Variants in STK33 observed in about 807,000 individuals in gnomAD.
The protein encoded by STK33 is serine/threonine-protein kinase 33.
Under a neutral mutation model 58.0 loss-of-function variants are expected in STK33, and 52 were observed. That is an observed-to-expected ratio of 0.90 (90% CI 0.72 to 1.13). The LOEUF (loss-of-function observed/expected upper bound fraction) is 1.13. Ranked by LOEUF, STK33 falls within the 50% of genes most tolerant of loss-of-function variation. The probability of loss-of-function intolerance (pLI) is 0.00; values close to 1 mark genes in which losing one functional copy is unlikely to be tolerated. For missense variants in STK33, 630 were observed against 604.2 expected, an observed-to-expected ratio of 1.04 and a Z score of -0.45; for synonymous variants, 215 against 200.1, an observed-to-expected ratio of 1.07 and a Z score of -0.63.
the STK33 span, among the ~76,000 whole-genome samples, chr11:8,352,779 A>G: frequency 6.6e-6 from 1 of 152,236 alleles, no homozygotes; most frequent in Non-Finnish European, 1.5e-5. Flanking sequence ...AGGCGTAATG[A>G]GTTTTTAAAT....
Position 8,474,958 on chromosome 11 carries a change from A to G in STK33, c.-53T>C. On this transcript the variant is annotated 5_prime_UTR_variant, in exon 5 of 16. Coordinates refer to ENST00000687296, the MANE Select transcript of STK33 (RefSeq NM_001352389.2). ...TTAAAAATGTTTCCACTGTTTGAGGAAGAAAACCAGGCCAAAAAGGATAAG... is the reference window on the plus strand; with the variant it reads ...TTAAAAATGTTTCCACTGTTTGAGGGAGAAAACCAGGCCAAAAAGGATAAG... 6.6e-7 allele frequency: 1 copy of G among 1,507,692 alleles called. No individual in the cohort carries two copies. The highest frequency in any genetic ancestry group is 2.3e-5 in the East Asian group (1 of 43,700). The allele number at this position is 1,507,692 out of a possible 1,614,324, so 93.4% of individuals were successfully genotyped here.
At chr11:8,536,339 T>C (rs1248569755) in intron 1 of STK33, among the ~76,000 whole-genome samples, 1 of 152,170 alleles carries the variant, frequency 6.6e-6, no homozygotes, top group Non-Finnish European at 1.5e-5. Context: ...TAAAAGAACA[T>C]GAATTTCCAA....
At chr11:8,474,465 T>G (rs902049548) in intron 5 of STK33, among the ~76,000 whole-genome samples, 4 of 152,218 alleles carry the variant, frequency 2.6e-5, no homozygotes, top group African/African-American at 9.6e-5. Flanking sequence ...AATTACCTCA[T>G]GTCCTGAGAA....
the STK33 span, among the ~76,000 whole-genome samples, chr11:8,376,026 C>G: frequency 1.3e-5 from 2 of 152,302 alleles, no homozygotes; most frequent in Admixed American, 1.3e-4. Flanking sequence ...ACTTAGATTT[C>G]CAGACATACA....
intron 15 of STK33, among the ~76,000 whole-genome samples, chr11:8,403,812 C>A (rs144111440): frequency 0.011 from 1,702 of 152,300 alleles, 39 homozygotes; most frequent in African/African-American, 0.037. Context: ...TTTCCTTATT[C>A]ACTGGCATAG....
At chr11:8,486,389 T>C (rs949566327) in intron 1 of STK33, among the ~76,000 whole-genome samples, 2 of 151,684 alleles carry the variant, frequency 1.3e-5, no homozygotes, top group African/African-American at 4.8e-5. Flanking sequence ...CTAGGCCTTC[T>C]TATGTGTACT....
At chr11:8,453,519 A>G (rs1946525461) in intron 10 of STK33, among the ~76,000 whole-genome samples, 1 of 152,224 alleles carries the variant, frequency 6.6e-6, no homozygotes, top group Admixed American at 6.5e-5. Context: ...AAAAAACCAC[A>G]ACAACAAGTA....
intron 14 of STK33, among the ~76,000 whole-genome samples, chr11:8,426,868 T>C (rs913580339): frequency 6.6e-6 from 1 of 152,178 alleles, no homozygotes; most frequent in Admixed American, 6.5e-5. Flanking sequence ...CATTCCTTCC[T>C]ACTTTAAAAA....
chr11:8,574,104 C>G (rs9737400), intron 1 of STK33, among the ~76,000 whole-genome samples: 81,250 of 151,596 alleles, frequency 0.54, 21,900 homozygotes, highest in South Asian at 0.65. Context: ...CTCCCTCCCT[C>G]CCTATCCCCA....
chr11:8,413,788 T>C lies in STK33; in HGVS notation c.1147-96A>G. ...CGAGACAGTCTCCCAAATTCAGTAATAGTCACATGGAAAAGATTATAATGC... is the reference window on the plus strand; with the variant it reads ...CGAGACAGTCTCCCAAATTCAGTAACAGTCACATGGAAAAGATTATAATGC... On this transcript the variant is annotated intron_variant, in intron 14 of 15. Coordinates refer to ENST00000687296, the MANE Select transcript of STK33 (RefSeq NM_001352389.2). 5 of 1,080,992 alleles carry C rather than the reference T, an allele frequency of 4.6e-6. No homozygotes were observed. In the South Asian group the frequency reaches 6.0e-5, roughly 13 times the overall value. 67.0% of individuals were successfully genotyped at this position (1,080,992 alleles called of 1,614,324 possible).
intron 1 of STK33, among the ~76,000 whole-genome samples, chr11:8,544,023 T>C (rs948050991): frequency 6.6e-6 from 1 of 152,130 alleles, no homozygotes; most frequent in Non-Finnish European, 1.5e-5. Context: ...TCCATTTTTT[T>C]ATTATACTTT....
chr11:8,484,828 C>T lies in STK33; in HGVS notation c.-465-4214G>A, dbSNP rs567977888. Among the ~76,000 whole-genome samples, 190 of 152,168 alleles carry T rather than the reference C, an allele frequency of 1.2e-3. 1 individual carries two copies. The South Asian group carries it at 0.015, about 12-fold the overall frequency. On this transcript the variant is annotated intron_variant, in intron 1 of 15. Coordinates refer to ENST00000687296, the MANE Select transcript of STK33 (RefSeq NM_001352389.2). ...ACTATAAAAACAGTGTGATTAAAATCGATAGAGCACATCAATTGGTGATTC... is the reference window on the plus strand; with the variant it reads ...ACTATAAAAACAGTGTGATTAAAATTGATAGAGCACATCAATTGGTGATTC...
At chr11:8,425,996 A>G (rs1942687160) in intron 14 of STK33, among the ~76,000 whole-genome samples, 1 of 152,082 alleles carries the variant, frequency 6.6e-6, no homozygotes, top group African/African-American at 2.4e-5. Flanking sequence ...GTGTTCTTTT[A>G]GTTTACCCAT....
intron 1 of STK33, among the ~76,000 whole-genome samples, chr11:8,522,161 A>G (rs868850387): frequency 1.1e-4 from 16 of 152,242 alleles, no homozygotes; most frequent in African/African-American, 3.9e-4. Flanking sequence ...ATGCTGCTAT[A>G]AAGACACATG....
chr11:8,584,744 A>G (rs2031172829), intron 1 of STK33, among the ~76,000 whole-genome samples: 1 of 152,182 alleles, frequency 6.6e-6, no homozygotes, highest in Non-Finnish European at 1.5e-5. Flanking sequence ...AACAGGAGAT[A>G]GACCCTTTCA....
At chr11:8,441,645 C>G (rs1483440722) in intron 11 of STK33, among the ~76,000 whole-genome samples, 2 of 152,214 alleles carry the variant, frequency 1.3e-5, no homozygotes, top group African/African-American at 2.4e-5. Context: ...GCGTGAGACA[C>G]CACACTCAGC....
intron 11 of STK33, 68 bp from the exon 12 acceptor site, chr11:8,440,821 A>G: frequency 3.4e-6 from 5 of 1,456,046 alleles, no homozygotes; most frequent in African/African-American, 1.4e-5. Context: ...CTTAAACACA[A>G]GCATGAAAAA....
At chr11:8,464,900 T>C in intron 6 of STK33, 78 bp from the exon 7 acceptor site, 1 of 863,526 alleles carries the variant, frequency 1.2e-6, no homozygotes, top group Admixed American at 2.2e-5. Flanking sequence ...TACTGACAGA[T>C]ACTCACCCAA....
At chr11:8,481,199 T>C (rs1156909155) in intron 1 of STK33, among the ~76,000 whole-genome samples, 1 of 152,124 alleles carries the variant, frequency 6.6e-6, no homozygotes, top group Non-Finnish European at 1.5e-5. Flanking sequence ...AATCGAAGGG[T>C]CCAGGCAACT....
Sources: gnomAD v4.1 joint callset for allele counts (sites outside exome capture counted in the v4.1 genomes callset) on GRCh38, gnomAD v4.1.1 for gene constraint, MANE v1.5 for transcripts, NCBI Gene and HGNC (gene_info 2026-07-23, HGNC 2026-07-21) for gene names.